RP1: variants seen among roughly 807,000 people sequenced by gnomAD.
RP1 encodes the protein oxygen-regulated protein 1.
A neutral mutation model predicts 14.8 loss-of-function variants in RP1; 16 were observed. That is an observed-to-expected ratio of 1.08 (90% confidence interval 0.73 to 1.65). RP1 has a LOEUF of 1.65. Ranked by LOEUF, RP1 falls within the 40% of genes most tolerant of loss-of-function variation. The probability of loss-of-function intolerance (pLI) is 0.00; values close to 1 mark genes in which losing one functional copy is unlikely to be tolerated. For synonymous variants in RP1, 876 were observed against 883.6 expected (o/e 0.99, Z 0.15); for missense variants, 2,631 against 2,535.0 (o/e 1.04, Z -0.81).
Position 54,696,614 on chromosome 8 carries a change from GA to G in RP1, c.1718-2851del, listed in dbSNP as rs1807870187. On this transcript the variant is annotated intron_variant, in intron 12 of 22. Coordinates refer to the RP1 transcript ENST00000636932. ...TGACAAAGTACGTCTCAGATGACCAGAAGTGAAACCTCATGCCTTAGAATTG... is the reference window on the plus strand; with the variant it reads ...TGACAAAGTACGTCTCAGATGACCAGAGTGAAACCTCATGCCTTAGAATTG... The G allele has an allele frequency of 6.1e-5, 49 of 803,424 alleles. 2 individuals are homozygous for G. The South Asian group carries it at 7.4e-4, about 12-fold the overall frequency. The allele number at this position is 803,424 out of a possible 1,614,324, so 49.8% of individuals were successfully genotyped here.
intron 1 of RP1, among the ~76,000 whole-genome samples, chr8:54,592,416 G>A (rs1805060755): frequency 6.6e-6 from 1 of 152,190 alleles, no homozygotes; most frequent in South Asian, 2.1e-4. Flanking sequence ...AAGAGTGCAA[G>A]CTGTAGCACC....
At chr8:54,707,573 G>A (rs2129345533) in intron 15 of RP1, among the ~76,000 whole-genome samples, 1 of 152,288 alleles carries the variant, frequency 6.6e-6, no homozygotes, top group Non-Finnish European at 1.5e-5. Context: ...ATCTATTATT[G>A]TTTAAAATAG....
Position 54,591,931 on chromosome 8 carries a change from G to C in RP1, c.-12-29024G>C, listed in dbSNP as rs561973142. ...AATGTACCAGTTCTCTTGAGGTTTC[G>C]TTTTGGCACTAGCACAATGTCCCTT... is the stretch of plus-strand genomic sequence containing the variant. On this transcript the variant is annotated intron_variant, in intron 1 of 22. Coordinates refer to the RP1 transcript ENST00000636932. Among the ~76,000 whole-genome samples the C allele has an allele frequency of 6.6e-5, 10 of 152,246 alleles. No individual in the cohort carries two copies. In the South Asian group the frequency reaches 1.9e-3, roughly 28 times the overall value.
chr8:54,737,669 T>G (rs1808966093), intron 18 of RP1, among the ~76,000 whole-genome samples: 1 of 152,178 alleles, frequency 6.6e-6, no homozygotes, highest in African/African-American at 2.4e-5. Context: ...ATAATTTCTC[T>G]TGACCTGGCA....
intron 15 of RP1, chr8:54,706,741 T>A: frequency 7.3e-7 from 1 of 1,362,328 alleles, no homozygotes. Flanking sequence ...TGAGTGGGTT[T>A]TGGAAATTGA....
intron 1 of RP1, among the ~76,000 whole-genome samples, chr8:54,607,311 C>T (rs184725715): frequency 1.3e-5 from 2 of 152,262 alleles, no homozygotes; most frequent in African/African-American, 4.8e-5. Flanking sequence ...GAGGTCCACT[C>T]CAGACCCTGT....
chr8:54,590,821 A>G (rs1805029759), intron 1 of RP1, among the ~76,000 whole-genome samples: 1 of 152,162 alleles, frequency 6.6e-6, no homozygotes, highest in South Asian at 2.1e-4. Context: ...TGACACCACC[A>G]TTTTGAAATC....
intron 9 of RP1, among the ~76,000 whole-genome samples, chr8:54,679,055 A>G (rs1201331203): frequency 6.6e-6 from 1 of 151,968 alleles, no homozygotes; most frequent in Non-Finnish European, 1.5e-5. Flanking sequence ...CATAGTAACC[A>G]TTTATGAAAT....
chr8:54,705,846 T>C (rs1305983941), intron 14 of RP1, among the ~76,000 whole-genome samples: 2 of 150,410 alleles, frequency 1.3e-5, no homozygotes, highest in Non-Finnish European at 2.9e-5. Context: ...ATTACTAGCA[T>C]GGATTACTTT....
chr8:54,577,017 C>T (rs529143225), intron 1 of RP1, among the ~76,000 whole-genome samples: 1 of 152,048 alleles, frequency 6.6e-6, no homozygotes, highest in Non-Finnish European at 1.5e-5. Flanking sequence ...GAAATGAAAA[C>T]TTAATTTTCT....
At position 54,563,681 on chromosome 8, in the gene RP1, G is replaced by A. The variant is rs990409637; in HGVS notation, c.-13+4361G>A. 5.3e-5 allele frequency among the ~76,000 whole-genome samples: 8 copies of A among 152,000 alleles called. No individual in the cohort carries two copies. The South Asian group carries it at 1.7e-3, about 32-fold the overall frequency. On this transcript the variant is annotated intron_variant, in intron 1 of 22. Transcript: ENST00000636932. ...CTCCCTCAGCCTCCTGAGTAGCTGG[G>A]ATTACAGTTGTACCCCACTGTGCCT...
At chr8:54,674,432 A>T (rs1807248136) in intron 8 of RP1, among the ~76,000 whole-genome samples, 1 of 149,556 alleles carries the variant, frequency 6.7e-6, no homozygotes, top group African/African-American at 2.5e-5. Context: ...CAATAAATTT[A>T]TTTTCTGCTA....
chr8:54,699,169 A>T (rs1807950554), intron 12 of RP1, among the ~76,000 whole-genome samples: 2 of 151,374 alleles, frequency 1.3e-5, no homozygotes, highest in South Asian at 4.1e-4. Flanking sequence ...ATAGCTGTGT[A>T]TATACGTACA....
intron 3 of RP1, among the ~76,000 whole-genome samples, chr8:54,640,773 T>C (rs1267487125): frequency 6.6e-6 from 1 of 152,158 alleles, no homozygotes; most frequent in Non-Finnish European, 1.5e-5. Context: ...AACAGTTACC[T>C]TCCATTAGTT....
chr8:54,794,580 AAAAATT>A (rs1239551646), intron 24 of RP1, among the ~76,000 whole-genome samples: 10 of 152,060 alleles, frequency 6.6e-5, no homozygotes, highest in Non-Finnish European at 1.5e-5. Flanking sequence ...TACCTTTCAC[AAAAATT>A]AATTATAAAT....
intron 12 of RP1, chr8:54,696,374 C>G (rs1807862431): frequency 1.7e-6 from 1 of 595,736 alleles, no homozygotes; most frequent in East Asian, 2.8e-5. Flanking sequence ...TTTAGAAAAT[C>G]TAACTTTGTG....
intron 19 of RP1, among the ~76,000 whole-genome samples, chr8:54,742,598 G>A (rs535088814): frequency 6.6e-6 from 1 of 152,232 alleles, no homozygotes; most frequent in African/African-American, 2.4e-5. Context: ...GAAACCATTT[G>A]GTGACTTTAA....
At position 54,629,381 on chromosome 8, in the gene RP1, C is replaced by T. The variant is rs1384686516; in HGVS notation, c.5499C>T (p.Asp1833=). The T allele has an allele frequency of 1.2e-6, 2 of 1,614,118 alleles. No individual in the cohort carries two copies. The highest frequency in any genetic ancestry group is 1.7e-6 in the Non-Finnish European group (2 of 1,179,982). Residue 1833 remains aspartate, a synonymous_variant, in exon 4 of 4, where the codon GAC becomes GAT. Coordinates refer to ENST00000220676, the MANE Select transcript of RP1 (RefSeq NM_006269.2). ...HGSDSEPFHE[D]LLDVRNETCA... ...GTGACTCAGAACCTTTTCATGAGGACTTGCTGGATGTTCGCAATGAAACCT... is the reference window on the plus strand; with the variant it reads ...GTGACTCAGAACCTTTTCATGAGGATTTGCTGGATGTTCGCAATGAAACCT...
chr8:54,687,770 T>C (rs1290211475), intron 12 of RP1, among the ~76,000 whole-genome samples: 3 of 152,326 alleles, frequency 2.0e-5, no homozygotes, highest in Non-Finnish European at 4.4e-5. Flanking sequence ...ACAATAAACA[T>C]ACATGTGCAT....
Sources: allele counts gnomAD v4.1 joint callset (sites outside exome capture counted in the v4.1 genomes callset), GRCh38; gene constraint gnomAD v4.1.1; transcripts MANE v1.5; gene names NCBI Gene and HGNC (gene_info 2026-07-23, HGNC 2026-07-21).